The following KIRREL3 variants were observed in gnomAD, a reference collection of about 807,000 sequenced individuals.
The protein encoded by KIRREL3 is kirre like nephrin family adhesion molecule 3, also known as kin of IRRE-like protein 3.
KIRREL3 carries 36 observed loss-of-function variants against 89.7 expected under a neutral mutation model. That is an observed-to-expected ratio of 0.40 (90% CI 0.31 to 0.53). The LOEUF (loss-of-function observed/expected upper bound fraction) is 0.53, where lower values mean the gene tolerates loss of function less well. KIRREL3 is among the 20% of genes least tolerant of loss of function. KIRREL3 has a pLI of 0.49. For synonymous variants in KIRREL3, 445 were observed against 441.4 expected, an observed-to-expected ratio of 1.01 and a Z score of -0.10; for missense variants, 864 against 1,056.6, an observed-to-expected ratio of 0.82 and a Z score of 2.53.
intron 1 of KIRREL3, among the ~76,000 whole-genome samples, chr11:126,629,709 G>C (rs1376906817): frequency 6.6e-6 from 1 of 152,174 alleles, no homozygotes; most frequent in Non-Finnish European, 1.5e-5. Flanking sequence ...AGGAAAATGA[G>C]GTTGGACTAT....
chr11:126,732,671 T>C (rs1221974538), intron 1 of KIRREL3, among the ~76,000 whole-genome samples: 4 of 152,198 alleles, frequency 2.6e-5, no homozygotes, highest in Non-Finnish European at 5.9e-5. Context: ...CAGGACACCA[T>C]CTCTGGGTTG....
rs1437670827 is a variant in KIRREL3 at position 126,783,858 on chromosome 11, C to T, written c.55+216597G>A. Among the ~76,000 whole-genome samples the T allele has an allele frequency of 2.6e-5, 4 of 152,158 alleles. No individual in the cohort carries two copies. Among genetic ancestry groups the T allele is most frequent in the Non-Finnish European group, 4.4e-5 (3 of 68,036 alleles). On this transcript the variant is annotated intron_variant, in intron 1 of 16. Transcript: ENST00000525144. The surrounding 1 kb of genome is among the most constrained non-coding windows in gnomAD (Gnocchi z 4.3). ...GGAGCTTTGCAGTGGAGGAAACTGA[C>T]CAATACTATTTCAGCCAGGTGAGCA... is the stretch of plus-strand genomic sequence containing the variant.
rs918405329 is a variant in KIRREL3 at position 126,985,411 on chromosome 11, C to T, written c.55+15044G>A. ...GAAGGGAAGGCGGACCAGAAACACTCCATGTGGATAAATCATAGTAAGAGC... is the reference window on the plus strand; with the variant it reads ...GAAGGGAAGGCGGACCAGAAACACTTCATGTGGATAAATCATAGTAAGAGC... On this transcript the variant is annotated intron_variant, in intron 1 of 16. Transcript: ENST00000525144. The surrounding 1 kb of genome is among the most constrained non-coding windows in gnomAD (Gnocchi z 5.3). Among the ~76,000 whole-genome samples, 1 of 152,182 alleles carries T rather than the reference C, an allele frequency of 6.6e-6. No individual in the cohort carries two copies. Among genetic ancestry groups the T allele is most frequent in the South Asian group, 2.1e-4 (1 of 4,826 alleles).
chr11:126,582,199 C>T (rs1262460693), intron 1 of KIRREL3, among the ~76,000 whole-genome samples: 1 of 152,156 alleles, frequency 6.6e-6, no homozygotes, highest in Admixed American at 6.5e-5. Flanking sequence ...ATCTCTCAAG[C>T]GAGGGGCATA....
intron 4 of KIRREL3, among the ~76,000 whole-genome samples, chr11:126,517,767 T>G (rs2134418406): frequency 6.6e-6 from 1 of 152,362 alleles, no homozygotes; most frequent in Admixed American, 6.5e-5. Flanking sequence ...GAGACAGTTC[T>G]CAGCGATCAT....
At chr11:126,440,398 G>A in intron 11 of KIRREL3, 51 bp downstream of exon 11, 1 of 1,508,796 alleles carries the variant, frequency 6.6e-7, no homozygotes, top group South Asian at 1.2e-5. Context: ...TGGCAAAAGT[G>A]ACTGTTGGGC....
chr11:126,926,925 C>T (rs898761163), intron 1 of KIRREL3, among the ~76,000 whole-genome samples: 1 of 152,168 alleles, frequency 6.6e-6, no homozygotes, highest in Admixed American at 6.5e-5. Flanking sequence ...ATTATTACCC[C>T]GAGCTGCTCT....
chr11:126,534,285 C>T (rs1369635618), intron 2 of KIRREL3, among the ~76,000 whole-genome samples: 9 of 152,096 alleles, frequency 5.9e-5, no homozygotes, highest in Non-Finnish European at 1.0e-4. Context: ...GGGCGTCTCC[C>T]GGGCCAATGA....
In KIRREL3 at chr11:126,622,332, T is replaced by C. The variant is rs984275472; in HGVS notation, c.56-59420A>G. On this transcript the variant is annotated intron_variant, in intron 1 of 16. Transcript: ENST00000525144. The surrounding 1 kb of genome is among the most constrained non-coding windows in gnomAD (Gnocchi z 5.2). ...ATTTTATCTCAAGTTGAACTTTGCA[T>C]CCCCATTCTCTGGATTTGGGGTCAT... Among the ~76,000 whole-genome samples the C allele has an allele frequency of 6.6e-6, 1 of 152,202 alleles. No individual in the cohort carries two copies. Among genetic ancestry groups the C allele is most frequent in the Non-Finnish European group, 1.5e-5 (1 of 68,032 alleles).
chr11:126,789,948 T>C (rs927236978), intron 1 of KIRREL3, among the ~76,000 whole-genome samples: 1 of 152,232 alleles, frequency 6.6e-6, no homozygotes. Context: ...CTTTACACTA[T>C]ATCCGACTGC....
chr11:126,482,404 T>C (rs1227568473), intron 4 of KIRREL3, among the ~76,000 whole-genome samples: 2 of 152,232 alleles, frequency 1.3e-5, no homozygotes, highest in Non-Finnish European at 2.9e-5. Context: ...CTGGGTGCTA[T>C]GTTTACTGGC....
chr11:126,637,607 T>C (rs567158477), intron 1 of KIRREL3, among the ~76,000 whole-genome samples: 1 of 152,272 alleles, frequency 6.6e-6, no homozygotes, highest in African/African-American at 2.4e-5. Context: ...TAAATCCTGA[T>C]AAAAACATGG....
At chr11:126,737,106 A>T (rs988985748) in intron 1 of KIRREL3, among the ~76,000 whole-genome samples, 4 of 152,192 alleles carry the variant, frequency 2.6e-5, no homozygotes, top group Non-Finnish European at 5.9e-5. Flanking sequence ...TCTGCCTGAG[A>T]GGGTGCTGAG....
chr11:126,854,126 TTGTGTGTGTGTGTGTGTG>T (rs375873911), intron 1 of KIRREL3, among the ~76,000 whole-genome samples: 1 of 143,920 alleles, frequency 6.9e-6, no homozygotes, highest in East Asian at 2.0e-4. Context: ...AATAAGTTTC[TTGTGTGTGTGTGTGTGTG>T]TGTGTGTGTG....
chr11:126,838,614 G>A lies in KIRREL3; in HGVS notation c.55+161841C>T, dbSNP rs998040846. The stretch of plus-strand genomic sequence containing the variant: ...AAAACCCTGAGTCCATATTCAGCAT[G>A]GAGTATGAGTTCAAGGGCTAACAAT... On this transcript the variant is annotated intron_variant, in intron 1 of 16. Coordinates refer to ENST00000525144, the MANE Select transcript of KIRREL3 (RefSeq NM_032531.4). Among the ~76,000 whole-genome samples, 3 of 152,306 alleles carry A rather than the reference G, an allele frequency of 2.0e-5. No individual in the cohort carries two copies. In the East Asian group the frequency reaches 5.8e-4, roughly 29 times the overall value.
rs190445595 is a variant in KIRREL3 at position 126,600,726 on chromosome 11, A to G, written c.56-37814T>C. Among the ~76,000 whole-genome samples the G allele has an allele frequency of 6.0e-4, 92 of 152,362 alleles. 1 individual carries two copies. The highest frequency in any genetic ancestry group is 1.8e-3 in the African/African-American group (74 of 41,586). On this transcript the variant is annotated intron_variant, in intron 1 of 16. Coordinates refer to ENST00000525144, the MANE Select transcript of KIRREL3 (RefSeq NM_032531.4). ...ATTCCTGGTTTCTACTAGGAATATA[A>G]GTAAAATTTGAATTTTTGCCAGAAT...
chr11:126,619,042 G>T (rs1280583075), intron 1 of KIRREL3, among the ~76,000 whole-genome samples: 3 of 152,190 alleles, frequency 2.0e-5, no homozygotes, highest in Non-Finnish European at 2.9e-5. Flanking sequence ...TGAAAACAAA[G>T]TAAATAACAA....
At chr11:126,450,573 ATG>A in intron 7 of KIRREL3, among the ~76,000 whole-genome samples, 1 of 120,312 alleles carries the variant, frequency 8.3e-6, no homozygotes, top group East Asian at 2.8e-4. Context: ...GTGCGTGTGC[ATG>A]TGTGCATGTG....
chr11:126,978,756 A>G lies in KIRREL3; in HGVS notation c.55+21699T>C, dbSNP rs373684219. On this transcript the variant is annotated intron_variant, in intron 1 of 16. Transcript: ENST00000525144. This position sits in a 1 kb window ranked among gnomAD's most constrained non-coding sequence, Gnocchi z 4.2. ...GAGTTTCTCTGAGCTCTGTTCCCCC[A>G]AGGTGGGCTAGGCAACCCTAGTGTC... Among the ~76,000 whole-genome samples the G allele has an allele frequency of 6.6e-6, 1 of 152,016 alleles. No homozygotes were observed. Among genetic ancestry groups the G allele is most frequent in the African/African-American group, 2.4e-5 (1 of 41,372 alleles).
Sources: allele counts gnomAD v4.1 joint callset (sites outside exome capture counted in the v4.1 genomes callset), GRCh38; gene constraint gnomAD v4.1.1; non-coding constraint Gnocchi (gnomAD v3.1); transcripts MANE v1.5; gene names NCBI Gene and HGNC (gene_info 2026-07-23, HGNC 2026-07-21).